IMMP2L: variants seen among roughly 807,000 people sequenced by gnomAD.
The protein encoded by IMMP2L is inner mitochondrial membrane peptidase subunit 2, also known as mitochondrial inner membrane protease subunit 2.
A neutral mutation model predicts 19.3 loss-of-function variants in IMMP2L; 18 were observed. That is an observed-to-expected ratio of 0.93 (90% confidence interval 0.64 to 1.38). The LOEUF (loss-of-function observed/expected upper bound fraction) is 1.38. IMMP2L is among the 40% of genes most tolerant of loss of function. The pLI, the probability that IMMP2L is intolerant of heterozygous loss-of-function variation, is 0.00. For missense variants in IMMP2L, 233 were observed against 218.2 expected (o/e 1.07, Z -0.43); for synonymous variants, 76 against 73.0 (o/e 1.04, Z -0.21).
intron 5 of IMMP2L, among the ~76,000 whole-genome samples, chr7:110,666,426 C>T (rs1417410245): frequency 2.0e-5 from 3 of 152,028 alleles, no homozygotes; most frequent in Non-Finnish European, 4.4e-5. Context: ...AGGCGCCCGC[C>T]ACCATGCCCG....
chr7:111,209,487 T>C (rs906347324), intron 3 of IMMP2L, among the ~76,000 whole-genome samples: 11 of 151,712 alleles, frequency 7.3e-5, no homozygotes, highest in African/African-American at 2.7e-4. Context: ...GTAAAACTCA[T>C]ATTTACATTT....
chr7:111,361,959 C>A (rs563178612), intron 3 of IMMP2L, among the ~76,000 whole-genome samples: 3 of 151,966 alleles, frequency 2.0e-5, no homozygotes, highest in Non-Finnish European at 2.9e-5. Flanking sequence ...TAAAAATACA[C>A]AACATACATT....
intron 3 of IMMP2L, among the ~76,000 whole-genome samples, chr7:111,344,680 ATCAG>A (rs1290641651): frequency 6.6e-6 from 1 of 152,204 alleles, no homozygotes; most frequent in East Asian, 1.9e-4. Context: ...CCTAACACCC[ATCAG>A]TAGAGATGGA....
At chr7:110,879,912 A>T (rs1408379457) in intron 5 of IMMP2L, among the ~76,000 whole-genome samples, 1 of 152,246 alleles carries the variant, frequency 6.6e-6, no homozygotes, top group East Asian at 1.9e-4. Context: ...GTAGGTTGAT[A>T]ATATTGTTGT....
chr7:111,075,440 A>G (rs932529493), intron 3 of IMMP2L, among the ~76,000 whole-genome samples: 4 of 152,156 alleles, frequency 2.6e-5, no homozygotes, highest in African/African-American at 9.7e-5. Flanking sequence ...GTTTACAGAC[A>G]CTTAAAAGTT....
At chr7:110,819,374 T>G (rs750053411) in intron 5 of IMMP2L, among the ~76,000 whole-genome samples, 4 of 152,006 alleles carry the variant, frequency 2.6e-5, no homozygotes, top group Non-Finnish European at 5.9e-5. Flanking sequence ...GATATGAACT[T>G]TACCCTACAT....
intron 3 of IMMP2L, among the ~76,000 whole-genome samples, chr7:111,221,014 C>T (rs1172165523): frequency 4.6e-5 from 7 of 152,018 alleles, no homozygotes; most frequent in African/African-American, 1.2e-4. Flanking sequence ...CTAATCTCTT[C>T]GAGAAACACC....
chr7:110,999,913 G>A (rs1400265038), intron 3 of IMMP2L, among the ~76,000 whole-genome samples: 1 of 152,138 alleles, frequency 6.6e-6, no homozygotes, highest in Non-Finnish European at 1.5e-5. Context: ...GGTAAAGGAT[G>A]AAACTTTACA....
At chr7:111,447,321 C>A (rs1352297151) in intron 3 of IMMP2L, among the ~76,000 whole-genome samples, 1 of 127,986 alleles carries the variant, frequency 7.8e-6, no homozygotes, top group Non-Finnish European at 1.7e-5. Flanking sequence ...GGTCGGATTA[C>A]CCTCAAAGGG....
At chr7:111,327,512 T>C (rs1459505186) in intron 3 of IMMP2L, among the ~76,000 whole-genome samples, 1 of 151,716 alleles carries the variant, frequency 6.6e-6, no homozygotes, top group African/African-American at 2.4e-5. Context: ...CATTCATCCA[T>C]GTACTTCTTA....
intron 4 of IMMP2L, among the ~76,000 whole-genome samples, chr7:110,926,810 T>A (rs899417596): frequency 6.6e-6 from 1 of 152,160 alleles, no homozygotes; most frequent in African/African-American, 2.4e-5. Flanking sequence ...GAGGCCATCA[T>A]CTTTTATATC....
chr7:110,818,531 T>A (rs894809703), intron 5 of IMMP2L, among the ~76,000 whole-genome samples: 8 of 152,278 alleles, frequency 5.3e-5, no homozygotes, highest in African/African-American at 1.7e-4. Flanking sequence ...GTAAACTAGT[T>A]CAACCATTGT....
chr7:111,046,656 T>C (rs1220837085), intron 3 of IMMP2L, among the ~76,000 whole-genome samples: 2 of 152,210 alleles, frequency 1.3e-5, no homozygotes, highest in African/African-American at 2.4e-5. Flanking sequence ...GCTAAACTAT[T>C]AGTCAAGAAT....
intron 3 of IMMP2L, among the ~76,000 whole-genome samples, chr7:111,059,303 A>G (rs1468579877): frequency 6.6e-6 from 1 of 152,188 alleles, no homozygotes; most frequent in Non-Finnish European, 1.5e-5. Flanking sequence ...TGTCAATGGT[A>G]GATAAGTAGG....
chr7:110,788,450 A>G (rs1380077471), intron 5 of IMMP2L, among the ~76,000 whole-genome samples: 1 of 151,184 alleles, frequency 6.6e-6, no homozygotes, highest in Non-Finnish European at 1.5e-5. Context: ...GTCTTTTTGG[A>G]TGACTCCTTT....
chr7:110,767,969 C>T (rs1458039997), intron 5 of IMMP2L, among the ~76,000 whole-genome samples: 1 of 152,152 alleles, frequency 6.6e-6, no homozygotes, highest in African/African-American at 2.4e-5. Flanking sequence ...GTGCCAAGCA[C>T]TGTTCCAGAT....
chr7:111,367,958 CTCT>C (rs765653330), intron 3 of IMMP2L, among the ~76,000 whole-genome samples: 8 of 151,358 alleles, frequency 5.3e-5, no homozygotes, highest in Non-Finnish European at 1.2e-4. Context: ...TTGAATTCTC[CTCT>C]TCGTTTTTCC....
chr7:110,883,211 T>A (rs991944342), intron 5 of IMMP2L, among the ~76,000 whole-genome samples: 1 of 152,132 alleles, frequency 6.6e-6, no homozygotes, highest in Admixed American at 6.6e-5. Context: ...ACGTGAAAAA[T>A]TTTTTGTACT....
intron 3 of IMMP2L, among the ~76,000 whole-genome samples, chr7:111,040,394 A>G (rs1436005537): frequency 2.0e-5 from 3 of 152,124 alleles, no homozygotes; most frequent in Non-Finnish European, 2.9e-5. Flanking sequence ...AACTTTATTC[A>G]AACAACTTGA....
Sources: gnomAD v4.1 joint callset for allele counts (sites outside exome capture counted in the v4.1 genomes callset) on GRCh38, gnomAD v4.1.1 for gene constraint, MANE v1.5 for transcripts, NCBI Gene and HGNC (gene_info 2026-07-23, HGNC 2026-07-21) for gene names.